Variants in NRXN1 observed in about 807,000 individuals in gnomAD.
NRXN1 encodes the protein neurexin-1.
A neutral mutation model predicts 150.9 loss-of-function variants in NRXN1; 39 were observed. The ratio of observed to expected loss-of-function variants is 0.26; its 90% CI spans 0.20 to 0.34. NRXN1 has a LOEUF of 0.34. NRXN1 is among the 10% of genes least tolerant of loss of function. NRXN1 has a pLI of 1.00. For synonymous variants in NRXN1, 924 were observed against 757.0 expected (o/e 1.22, Z -3.62); for missense variants, 1,815 against 1,949.9 (o/e 0.93, Z 1.30).
At chr2:50,145,566 A>T (rs927216969) in intron 18 of NRXN1, among the ~76,000 whole-genome samples, 4 of 151,698 alleles carry the variant, frequency 2.6e-5, no homozygotes, top group African/African-American at 9.7e-5. Context: ...TAGGAAAGCT[A>T]TAATCTTTGA....
chr2:50,991,037 T>C (rs1200073503), intron 2 of NRXN1, among the ~76,000 whole-genome samples: 1 of 152,066 alleles, frequency 6.6e-6, no homozygotes, highest in East Asian at 1.9e-4. Context: ...AAATAACTCT[T>C]TCAGCATCTG....
chr2:50,040,199 G>T (rs529512783), intron 21 of NRXN1, among the ~76,000 whole-genome samples: 2 of 152,072 alleles, frequency 1.3e-5, no homozygotes, highest in Non-Finnish European at 2.9e-5. Flanking sequence ...CTAGAGGAAT[G>T]GGGAGGAGCA....
rs372128770 is a variant in NRXN1, at chr2:51,028,133, G to A, written c.141C>T (p.Asn47=). The A allele has an allele frequency of 5.1e-6, 8 of 1,562,132 alleles. No homozygotes were observed. The African/African-American group carries it at 8.1e-5, about 16-fold the overall frequency. The change falls in exon 2 of 23, where the codon AAC becomes AAT. Residue 47 remains asparagine, a synonymous_variant. Transcript: ENST00000401669. ...EGQWTRFPKW[N]ACCESEMSFQ... ...AGCTCATCTCGCTCTCGCAGCAGGC[G>A]TTCCACTTGGGGAAGCGCGTCCATT...
At chr2:50,649,886 T>C (rs1685358464) in intron 5 of NRXN1, among the ~76,000 whole-genome samples, 3 of 151,968 alleles carry the variant, frequency 2.0e-5, no homozygotes, top group South Asian at 2.1e-4. Flanking sequence ...CCTTGTTCTG[T>C]CCCTAAATGA....
At chr2:51,021,421 A>AG (rs979142553) in intron 2 of NRXN1, among the ~76,000 whole-genome samples, 12 of 151,996 alleles carry the variant, frequency 7.9e-5, no homozygotes, top group African/African-American at 2.9e-4. Context: ...TTCATAATGT[A>AG]GCTAAGAATG....
intron 2 of NRXN1, among the ~76,000 whole-genome samples, chr2:50,931,494 T>C (rs1253370167): frequency 1.3e-5 from 2 of 152,210 alleles, no homozygotes; most frequent in East Asian, 1.9e-4. Context: ...CTGACAATTA[T>C]ACATTCTTTT....
intron 21 of NRXN1, among the ~76,000 whole-genome samples, chr2:50,036,475 C>G (rs1371179566): frequency 1.3e-5 from 2 of 152,128 alleles, no homozygotes; most frequent in African/African-American, 2.4e-5. Flanking sequence ...TAATTGTTAT[C>G]CCAAATTTGT....
intron 19 of NRXN1, among the ~76,000 whole-genome samples, chr2:50,070,664 G>A (rs1396601617): frequency 6.6e-6 from 1 of 151,114 alleles, no homozygotes; most frequent in African/African-American, 2.4e-5. Context: ...CAGCTACTCG[G>A]GAGGCTGAGG....
intron 5 of NRXN1, among the ~76,000 whole-genome samples, chr2:50,698,976 A>T (rs1166636746): frequency 6.6e-6 from 1 of 152,102 alleles, no homozygotes; most frequent in East Asian, 1.9e-4. Context: ...AGCATTAAGA[A>T]CCTATACTAC....
At chr2:50,596,333 G>C (rs1296559286) in intron 8 of NRXN1, among the ~76,000 whole-genome samples, 1 of 151,832 alleles carries the variant, frequency 6.6e-6, no homozygotes, top group Non-Finnish European at 1.5e-5. Flanking sequence ...TATAATAGTT[G>C]TCTACATCAT....
At chr2:50,561,785 T>C (rs2105397387) in intron 8 of NRXN1, among the ~76,000 whole-genome samples, 1 of 145,458 alleles carries the variant, frequency 6.9e-6, no homozygotes, top group Non-Finnish European at 1.5e-5. Context: ...TTGCAGTAAT[T>C]TCCCCCAATG....
chr2:50,043,672 T>C (rs191840590), intron 21 of NRXN1, among the ~76,000 whole-genome samples: 42 of 152,264 alleles, frequency 2.8e-4, no homozygotes, highest in Admixed American at 1.2e-3. Context: ...GTAGAAAATA[T>C]AAAAATCAGT....
chr2:50,304,026 A>G (rs1017701004), intron 17 of NRXN1, among the ~76,000 whole-genome samples: 1 of 152,184 alleles, frequency 6.6e-6, no homozygotes, highest in African/African-American at 2.4e-5. Flanking sequence ...TAATGTAAAC[A>G]TTCATAACTT....
At chr2:50,527,233 G>C (rs1265642003) in intron 12 of NRXN1, among the ~76,000 whole-genome samples, 19 of 152,174 alleles carry the variant, frequency 1.2e-4, no homozygotes, top group East Asian at 5.8e-4. Context: ...GTGAGGCACA[G>C]ATCTGGCTTT....
At chr2:49,983,169 T>A (rs935234276) in intron 21 of NRXN1, among the ~76,000 whole-genome samples, 3 of 152,200 alleles carry the variant, frequency 2.0e-5, no homozygotes, top group Non-Finnish European at 4.4e-5. Context: ...GGACACTTAT[T>A]CAAATAGCTC....
chr2:50,824,281 G>A (rs1310972115), intron 5 of NRXN1, among the ~76,000 whole-genome samples: 1 of 150,708 alleles, frequency 6.6e-6, no homozygotes, highest in East Asian at 2.0e-4. Flanking sequence ...TATTATTATT[G>A]CTACAATTCA....
Position 50,591,984 on chromosome 2 carries a change from C to T in NRXN1, c.1320+28038G>A, listed in dbSNP as rs115550666. On this transcript the variant is annotated intron_variant, in intron 8 of 22. Coordinates refer to ENST00000401669, the MANE Select transcript of NRXN1 (RefSeq NM_001330078.2). The stretch of plus-strand genomic sequence containing the variant: ...ACCTTGGTTAAGCAAGCCTCAAATC[C>T]GTTCCAAGCTGCTCCAGGCAGTGAT... Among the ~76,000 whole-genome samples the T allele has an allele frequency of 5.2e-3, 797 of 152,214 alleles. 4 individuals are homozygous for T. The highest frequency in any genetic ancestry group is 8.5e-3 in the Non-Finnish European group (579 of 67,998).
intron 17 of NRXN1, among the ~76,000 whole-genome samples, chr2:50,405,795 A>G (rs1422828449): frequency 6.6e-6 from 1 of 152,198 alleles, no homozygotes; most frequent in South Asian, 2.1e-4. Flanking sequence ...GTATGAAAGA[A>G]GTATTGCACT....
intron 5 of NRXN1, among the ~76,000 whole-genome samples, chr2:50,899,492 T>C (rs907447507): frequency 6.6e-6 from 1 of 152,144 alleles, no homozygotes; most frequent in Non-Finnish European, 1.5e-5. Flanking sequence ...GATTAGTAGA[T>C]GTGGGCCCTG....
Sources: gnomAD v4.1 joint callset for allele counts (sites outside exome capture counted in the v4.1 genomes callset) on GRCh38, gnomAD v4.1.1 for gene constraint, MANE v1.5 for transcripts, NCBI Gene and HGNC (gene_info 2026-07-23, HGNC 2026-07-21) for gene names.